The following MAD1L1 variants were observed in gnomAD, a reference collection of about 807,000 sequenced individuals.
MAD1L1 encodes mitotic arrest deficient 1 like 1, also known as mitotic spindle assembly checkpoint protein MAD1.
A neutral mutation model predicts 96.9 loss-of-function variants in MAD1L1; 95 were observed. The ratio of observed to expected loss-of-function variants is 0.98; its 90% confidence interval spans 0.83 to 1.16. MAD1L1 has a LOEUF of 1.16. Among genes scored for constraint, MAD1L1 ranks in the 50% most tolerant of loss-of-function variants. MAD1L1 has a pLI of 0.00. For missense variants in MAD1L1, 1,007 were observed against 954.4 expected (o/e 1.06, Z -0.73); for synonymous variants, 473 against 396.6 (o/e 1.19, Z -2.29).
intron 12 of MAD1L1, among the ~76,000 whole-genome samples, chr7:2,030,096 G>A (rs1783154756): frequency 6.6e-6 from 1 of 152,180 alleles, no homozygotes; most frequent in Admixed American, 6.5e-5. Context: ...GCTGCTCCCC[G>A]TGTAATCCTA....
At chr7:2,201,385 G>A (rs1792288357) in intron 10 of MAD1L1, among the ~76,000 whole-genome samples, 1 of 152,068 alleles carries the variant, frequency 6.6e-6, no homozygotes, top group Non-Finnish European at 1.5e-5. Context: ...TGCTCTACCT[G>A]TAAAAGTAGG....
At chr7:1,849,047 TACACAC>T (rs57306853) in intron 18 of MAD1L1, 49 of 148,490 alleles carry the variant, frequency 3.3e-4, no homozygotes, top group Middle Eastern at 6.0e-4. Flanking sequence ...GGTGTACATG[TACACAC>T]ACACACACAC....
At chr7:2,063,772 C>T (rs570194885) in intron 12 of MAD1L1, among the ~76,000 whole-genome samples, 9 of 152,314 alleles carry the variant, frequency 5.9e-5, no homozygotes, top group East Asian at 3.9e-4. Flanking sequence ...GGCCAGGGTG[C>T]GGCCACCAGA....
At chr7:1,853,818 G>A (rs1482129264) in intron 18 of MAD1L1, among the ~76,000 whole-genome samples, 2 of 152,098 alleles carry the variant, frequency 1.3e-5, no homozygotes, top group African/African-American at 4.8e-5. Flanking sequence ...ATTTCACTCC[G>A]AGCAGCCTGG....
intron 18 of MAD1L1, among the ~76,000 whole-genome samples, chr7:1,852,842 T>C (rs1326263673): frequency 2.6e-5 from 4 of 151,826 alleles, no homozygotes; most frequent in African/African-American, 2.4e-5. Flanking sequence ...AGCCAACAAA[T>C]GAGACTCTGA....
rs1035670869 is a variant in MAD1L1, at chr7:1,914,026, C to G, written c.1808-15636G>C. On this transcript the variant is annotated intron_variant, in intron 17 of 18. Coordinates refer to ENST00000265854, the MANE Select transcript of MAD1L1 (RefSeq NM_001013836.2). ...AGGGCAGCGTGGGCAGGTCTCCCCC[C>G]CCAGCACGCCTGTCCACCTCTCCTC... Among the ~76,000 whole-genome samples the G allele has an allele frequency of 6.6e-4, 100 of 152,242 alleles. 1 individual carries two copies. In the East Asian group the frequency reaches 0.01, roughly 16 times the overall value.
intron 12 of MAD1L1, among the ~76,000 whole-genome samples, chr7:2,063,015 T>C (rs1337941004): frequency 6.6e-6 from 1 of 152,152 alleles, no homozygotes; most frequent in African/African-American, 2.4e-5. Context: ...TGTTTAAAGA[T>C]ATACACACAA....
At chr7:1,880,571 C>T (rs1427808810) in intron 18 of MAD1L1, among the ~76,000 whole-genome samples, 2 of 152,220 alleles carry the variant, frequency 1.3e-5, no homozygotes, top group African/African-American at 2.4e-5. Context: ...TCACAGTGGG[C>T]CCTCAATTTG....
At chr7:2,025,468 A>C (rs577754937) in intron 12 of MAD1L1, among the ~76,000 whole-genome samples, 9 of 152,240 alleles carry the variant, frequency 5.9e-5, no homozygotes, top group Non-Finnish European at 1.2e-4. Context: ...TTCTTCAAAA[A>C]TAAAAGTGAA....
At chr7:2,223,571 C>A (rs1314359326) in intron 4 of MAD1L1, 1 of 152,284 alleles carries the variant, frequency 6.6e-6, no homozygotes, top group Non-Finnish European at 1.5e-5. Flanking sequence ...ATCCAGGGTA[C>A]TCCAGCCCAA....
intron 10 of MAD1L1, among the ~76,000 whole-genome samples, chr7:2,210,714 G>A (rs1044633874): frequency 5.3e-5 from 8 of 152,174 alleles, no homozygotes; most frequent in African/African-American, 1.9e-4. Context: ...GCCCTGAAGG[G>A]GCCCAGGCAT....
intron 16 of MAD1L1, among the ~76,000 whole-genome samples, chr7:1,954,035 C>T (rs1409797119): frequency 1.3e-5 from 2 of 152,092 alleles, no homozygotes; most frequent in Non-Finnish European, 2.9e-5. Context: ...GTGTGTCCTG[C>T]CCCGTAGCCT....
intron 11 of MAD1L1, among the ~76,000 whole-genome samples, chr7:2,104,339 GC>G (rs913320519): frequency 3.7e-4 from 57 of 152,372 alleles, no homozygotes; most frequent in Non-Finnish European, 6.9e-4. Flanking sequence ...AGCCCCCACA[GC>G]CCCGCCCCTC....
At chr7:2,200,910 C>T (rs3779019) in intron 10 of MAD1L1, among the ~76,000 whole-genome samples, 2 of 151,590 alleles carry the variant, frequency 1.3e-5, no homozygotes, top group Admixed American at 6.6e-5. Flanking sequence ...ATGCGGGTGC[C>T]GAGTGACCGT....
At chr7:1,945,275 C>T (rs1583876723) in intron 16 of MAD1L1, among the ~76,000 whole-genome samples, 1 of 152,376 alleles carries the variant, frequency 6.6e-6, no homozygotes, top group East Asian at 1.9e-4. Context: ...GTGACAGGGA[C>T]TCCTGTCCAC....
intron 18 of MAD1L1, among the ~76,000 whole-genome samples, chr7:1,867,749 G>A (rs1784847907): frequency 6.6e-6 from 1 of 152,228 alleles, no homozygotes; most frequent in Non-Finnish European, 1.5e-5. Context: ...GTGGCACAGG[G>A]AGGTGACACA....
intron 12 of MAD1L1, among the ~76,000 whole-genome samples, chr7:2,060,608 G>T (rs1341723254): frequency 6.6e-6 from 1 of 152,180 alleles, no homozygotes; most frequent in Non-Finnish European, 1.5e-5. Flanking sequence ...CGACAGCATG[G>T]AATCGTAAAC....
At chr7:2,104,334 C>A (rs944056619) in intron 11 of MAD1L1, among the ~76,000 whole-genome samples, 1 of 152,264 alleles carries the variant, frequency 6.6e-6, no homozygotes. Context: ...AAGACAGCCC[C>A]CACAGCCCCG....
chr7:2,111,839 G>A (rs535596189), intron 11 of MAD1L1, among the ~76,000 whole-genome samples: 8 of 152,264 alleles, frequency 5.3e-5, no homozygotes, highest in Non-Finnish European at 1.0e-4. Flanking sequence ...GATGCTTCCC[G>A]CTGTGGAGAC....
Sources: gnomAD v4.1 joint callset for allele counts (sites outside exome capture counted in the v4.1 genomes callset) on GRCh38, gnomAD v4.1.1 for gene constraint, MANE v1.5 for transcripts, NCBI Gene and HGNC (gene_info 2026-07-23, HGNC 2026-07-21) for gene names.